Variants in CSMD2 observed in about 807,000 individuals in gnomAD.
CSMD2 encodes the protein CUB and Sushi multiple domains 2.
A neutral mutation model predicts 398.5 loss-of-function variants in CSMD2; 130 were observed. The ratio of observed to expected loss-of-function variants is 0.33; its 90% CI spans 0.28 to 0.38. The LOEUF is 0.38. Among genes scored for constraint, CSMD2 ranks in the 10% least tolerant of loss-of-function variants. The pLI, the probability that CSMD2 is intolerant of heterozygous loss-of-function variation, is 1.00. For missense variants in CSMD2, 3,829 were observed against 4,764.9 expected (o/e 0.80, Z 5.78); for synonymous variants, 1,828 against 1,908.5 (o/e 0.96, Z 1.10).
chr1:33,967,308 A>G (rs1228189325), intron 3 of CSMD2, among the ~76,000 whole-genome samples: 1 of 151,660 alleles, frequency 6.6e-6, no homozygotes, highest in Non-Finnish European at 1.5e-5. Flanking sequence ...ATATTTGAGG[A>G]TCTGGGAATG....
At chr1:33,708,598 T>TTATTATTATTATTA in intron 22 of CSMD2, among the ~76,000 whole-genome samples, 1 of 147,838 alleles carries the variant, frequency 6.8e-6, no homozygotes, top group South Asian at 2.2e-4. Context: ...GAACTTATTA[T>TTATTATTATTATTA]TATTATTATT....
chr1:33,763,901 C>G (rs1650156604), intron 13 of CSMD2, among the ~76,000 whole-genome samples: 1 of 152,114 alleles, frequency 6.6e-6, no homozygotes, highest in African/African-American at 2.4e-5. Flanking sequence ...GCTAACCCTT[C>G]TTCAATATGT....
At position 33,577,354 on chromosome 1, in the gene CSMD2, G is replaced by A. The variant is rs1219542800; in HGVS notation, c.7518C>T (p.Ile2506=). 4 of 1,614,162 alleles carry A rather than the reference G, an allele frequency of 2.5e-6. No individual in the cohort carries two copies. Among genetic ancestry groups the A allele is most frequent in the Middle Eastern group, 1.7e-4 (1 of 6,048 alleles). ...GGTAGCCCTGGGGGTGCCGGGTACA[G>A]ATGGCCATGCTGTGTCCCACCAGGC... ...GYRLVGHSMA[I]CTRHPQGYHL... Residue 2506 remains isoleucine (I), a synonymous_variant, in exon 49 of 71, where the codon ATC becomes ATT. Coordinates refer to ENST00000373381, the MANE Select transcript of CSMD2 (RefSeq NM_001281956.2).
intron 1 of CSMD2, among the ~76,000 whole-genome samples, chr1:34,098,719 A>G (rs1274779190): frequency 2.0e-5 from 3 of 152,150 alleles, no homozygotes; most frequent in Admixed American, 6.6e-5. Context: ...ACTGTTTGGG[A>G]AAAGAATTAA....
chr1:34,094,318 C>T (rs367754763), intron 1 of CSMD2, among the ~76,000 whole-genome samples: 11 of 147,758 alleles, frequency 7.4e-5, no homozygotes, highest in East Asian at 2.0e-4. Context: ...CAAAATGTAA[C>T]GACCATCGAG....
At chr1:34,058,517 T>C (rs533401477) in intron 2 of CSMD2, among the ~76,000 whole-genome samples, 1 of 152,326 alleles carries the variant, frequency 6.6e-6, no homozygotes, top group East Asian at 1.9e-4. Flanking sequence ...CGTGCAAGGC[T>C]GTGGCATCAG....
At chr1:33,905,708 T>C (rs1643046527) in intron 5 of CSMD2, among the ~76,000 whole-genome samples, 2 of 152,164 alleles carry the variant, frequency 1.3e-5, no homozygotes, top group Admixed American at 6.5e-5. Flanking sequence ...GAGAGAACAA[T>C]TGTGGAATGC....
chr1:33,533,216 C>A lies in CSMD2; in HGVS notation c.10005G>T (p.Arg3335Ser). The A allele has an allele frequency of 6.2e-7, 1 of 1,613,886 alleles. No individual in the cohort carries two copies. Among genetic ancestry groups the A allele is most frequent in the East Asian group, 2.2e-5 (1 of 44,884 alleles). Residue 3335 changes from arginine (R) to serine (S), a missense_variant, in exon 64 of 71, where the codon AGG (arginine) becomes AGT (serine). Coordinates refer to ENST00000373381, the MANE Select transcript of CSMD2 (RefSeq NM_001281956.2). The surrounding 1 kb of genome is among the most constrained non-coding windows in gnomAD (Gnocchi z 4.2). ...TGGCATGCGTTGGCGTCTCTGGCTGCCTGCAGTGGTGGGCTGGATGAGAGG... is the reference window on the plus strand; with the variant it reads ...TGGCATGCGTTGGCGTCTCTGGCTGACTGCAGTGGTGGGCTGGATGAGAGG... ...TPPDCVPHHCRQPETPTHANV... is the reference protein window; with the variant it reads ...TPPDCVPHHCSQPETPTHANV...
At chr1:33,550,846 C>T (rs894975324) in intron 55 of CSMD2, among the ~76,000 whole-genome samples, 9 of 152,292 alleles carry the variant, frequency 5.9e-5, no homozygotes, top group African/African-American at 2.2e-4. Flanking sequence ...GTTCCCTTTA[C>T]TAAAATACTG....
At chr1:33,605,146 A>G in intron 42 of CSMD2, 136 bp downstream of exon 42, 2 of 839,122 alleles carry the variant, frequency 2.4e-6, no homozygotes, top group Non-Finnish European at 3.7e-6. Flanking sequence ...CCATGTGAAA[A>G]CAGGATGGAC....
chr1:33,761,798 G>A (rs1649847726), intron 13 of CSMD2, among the ~76,000 whole-genome samples: 1 of 152,198 alleles, frequency 6.6e-6, no homozygotes, highest in African/African-American at 2.4e-5. Flanking sequence ...CATGACACAA[G>A]GAAGTACATT....
intron 12 of CSMD2, among the ~76,000 whole-genome samples, chr1:33,775,762 T>C (rs1651888345): frequency 6.6e-6 from 1 of 152,108 alleles, no homozygotes. Flanking sequence ...ATTCAGCTCA[T>C]AGATTGTAAA....
chr1:33,955,434 A>T (rs893694489), intron 3 of CSMD2, among the ~76,000 whole-genome samples: 8 of 152,140 alleles, frequency 5.3e-5, no homozygotes, highest in African/African-American at 1.7e-4. Context: ...CCCAAAAAAT[A>T]GAACACTCAG....
intron 33 of CSMD2, among the ~76,000 whole-genome samples, chr1:33,625,606 G>A (rs1384780724): frequency 6.6e-6 from 1 of 152,082 alleles, no homozygotes; most frequent in African/African-American, 2.4e-5. Flanking sequence ...TACCTTCAGG[G>A]CCTTTGCCCT....
At chr1:33,816,085 A>G (rs1352453859) in intron 9 of CSMD2, among the ~76,000 whole-genome samples, 1 of 152,122 alleles carries the variant, frequency 6.6e-6, no homozygotes, top group Non-Finnish European at 1.5e-5. Flanking sequence ...GATGAGGAAA[A>G]AGATCCATAG....
At chr1:33,565,117 T>G (rs1329375108) in intron 53 of CSMD2, among the ~76,000 whole-genome samples, 2 of 152,180 alleles carry the variant, frequency 1.3e-5, no homozygotes, top group Non-Finnish European at 2.9e-5. Context: ...TGCAAGCTTT[T>G]GTGGAGAGCA....
chr1:33,726,891 T>C (rs1208212062), intron 15 of CSMD2, among the ~76,000 whole-genome samples: 3 of 152,172 alleles, frequency 2.0e-5, no homozygotes, highest in African/African-American at 7.2e-5. Context: ...AAAGGCCAGA[T>C]GGGAGAAATG....
At chr1:33,890,676 T>C (rs1570412729) in intron 5 of CSMD2, among the ~76,000 whole-genome samples, 1 of 151,902 alleles carries the variant, frequency 6.6e-6, no homozygotes, top group Admixed American at 6.6e-5. Context: ...CAAAACAGCA[T>C]GGTACTGGTA....
chr1:33,657,700 G>T (rs1476298832), intron 27 of CSMD2, among the ~76,000 whole-genome samples: 3 of 152,192 alleles, frequency 2.0e-5, no homozygotes, highest in Admixed American at 6.5e-5. Context: ...TGTCTGACTT[G>T]GAAATCTCTG....
Sources: allele counts gnomAD v4.1 joint callset (sites outside exome capture counted in the v4.1 genomes callset), GRCh38; gene constraint gnomAD v4.1.1; non-coding constraint Gnocchi (gnomAD v3.1); transcripts MANE v1.5; gene names NCBI Gene and HGNC (gene_info 2026-07-23, HGNC 2026-07-21).